Variants in CNTN5 observed in about 807,000 individuals in gnomAD.
CNTN5 encodes the protein contactin-5.
In CNTN5, 77 loss-of-function variants were observed where a neutral mutation model predicts 129.1. That is an observed-to-expected ratio of 0.60 (90% CI 0.50 to 0.72). CNTN5 has a LOEUF of 0.72. Ranked by LOEUF, CNTN5 falls within the 30% of genes least tolerant of loss-of-function variation. CNTN5 has a pLI of 0.00. For synonymous variants in CNTN5, 509 were observed against 465.6 expected, an observed-to-expected ratio of 1.09 and a Z score of -1.20; for missense variants, 1,478 against 1,328.8, an observed-to-expected ratio of 1.11 and a Z score of -1.75.
intron 2 of CNTN5, among the ~76,000 whole-genome samples, chr11:99,482,491 A>G (rs1206658111): frequency 6.6e-6 from 1 of 152,214 alleles, no homozygotes; most frequent in Non-Finnish European, 1.5e-5. Context: ...TTACTTTTGT[A>G]TGTAACTTGT....
intron 3 of CNTN5, among the ~76,000 whole-genome samples, chr11:99,567,547 A>G (rs897378578): frequency 3.9e-5 from 6 of 151,980 alleles, no homozygotes; most frequent in African/African-American, 1.2e-4. Context: ...ATTGCACAGA[A>G]CTTTGTCACT....
At chr11:99,478,580 G>A (rs74990543) in intron 2 of CNTN5, among the ~76,000 whole-genome samples, 3,146 of 152,058 alleles carry the variant, frequency 0.021, 126 homozygotes, top group African/African-American at 0.07. Flanking sequence ...TCTTGGCATT[G>A]GCTACTACAA....
At position 99,152,393 on chromosome 11, in the gene CNTN5, A is replaced by T. The variant is rs185934037; in HGVS notation, c.-210+131123A>T. On this transcript the variant is annotated intron_variant, in intron 1 of 24. Coordinates refer to ENST00000524871, the MANE Select transcript of CNTN5 (RefSeq NM_014361.4). ...ATTTATAATATTCCATTACCATTAT[A>T]TAACACCCTTCTTTGTCTTTTTTGA... Among the ~76,000 whole-genome samples, 205 of 152,340 alleles carry T rather than the reference A, an allele frequency of 1.3e-3. 1 individual carries two copies. Among genetic ancestry groups the T allele is most frequent in the Non-Finnish European group, 5.4e-4 (37 of 68,028 alleles).
At position 99,489,472 on chromosome 11, in the gene CNTN5, A is replaced by T. The variant is rs186917454; in HGVS notation, c.-70-66673A>T. Reference sequence around the variant, plus strand: ...TCTTAACAGTATCTGATTTTGTCATATATATATTTTAACTTCTCATTCTCT... The same window carrying T: ...TCTTAACAGTATCTGATTTTGTCATTTATATATTTTAACTTCTCATTCTCT... On this transcript the variant is annotated intron_variant, in intron 2 of 24. Coordinates refer to ENST00000524871, the MANE Select transcript of CNTN5 (RefSeq NM_014361.4). Among the ~76,000 whole-genome samples, 4 of 152,258 alleles carry T rather than the reference A, an allele frequency of 2.6e-5. No individual in the cohort carries two copies. In the East Asian group the frequency reaches 7.7e-4, roughly 29 times the overall value.
chr11:99,447,486 A>G (rs1347743806), intron 2 of CNTN5, among the ~76,000 whole-genome samples: 10 of 152,246 alleles, frequency 6.6e-5, no homozygotes, highest in Admixed American at 6.5e-4. Context: ...TTCAACTTCT[A>G]GATTTACTAC....
chr11:99,978,252 A>G (rs1938117833), intron 8 of CNTN5, among the ~76,000 whole-genome samples: 1 of 152,256 alleles, frequency 6.6e-6, no homozygotes, highest in African/African-American at 2.4e-5. Flanking sequence ...AAGCTGTGTC[A>G]TAATGAAAGA....
intron 22 of CNTN5, 93 bp downstream of exon 22, chr11:100,340,742 C>A: frequency 8.9e-7 from 1 of 1,123,518 alleles, no homozygotes; most frequent in Non-Finnish European, 1.2e-6. Context: ...TAAGCAGAGT[C>A]AAAGGGGAGT....
chr11:99,887,543 C>A (rs1421965915), intron 6 of CNTN5, among the ~76,000 whole-genome samples: 1 of 151,984 alleles, frequency 6.6e-6, no homozygotes, highest in Non-Finnish European at 1.5e-5. Flanking sequence ...TATTGACTCA[C>A]ACAATCACAA....
chr11:99,153,561 T>G (rs1166196793), intron 1 of CNTN5, among the ~76,000 whole-genome samples: 1 of 151,984 alleles, frequency 6.6e-6, no homozygotes, highest in Non-Finnish European at 1.5e-5. Flanking sequence ...TTCCATAGAT[T>G]CCTTGGATTC....
At chr11:99,391,920 G>A (rs1046417770) in intron 2 of CNTN5, among the ~76,000 whole-genome samples, 1 of 151,778 alleles carries the variant, frequency 6.6e-6, no homozygotes, top group Non-Finnish European at 1.5e-5. Flanking sequence ...GTCCCTCAAA[G>A]AAAATCTCAA....
chr11:100,224,753 G>A lies in CNTN5; in HGVS notation c.1946G>A (p.Gly649Asp). 6.2e-7 allele frequency: 1 copy of A among 1,612,954 alleles called. No individual in the cohort carries two copies. The highest frequency in any genetic ancestry group is 8.5e-7 in the Non-Finnish European group (1 of 1,179,082). Residue 649 changes from glycine (G) to aspartate (D), a missense_variant, in exon 16 of 25, where the codon GGC becomes GAC. By Grantham distance (94) the Gly-to-Asp change is moderately conservative (BLOSUM62 -1). Coordinates refer to ENST00000524871, the MANE Select transcript of CNTN5 (RefSeq NM_014361.4). Reference sequence around the variant, plus strand: ...CTTCTGATGCATGCTGGGAGATATGGCTGCAGGGTACAGACCACAGCAGAC... The same window carrying A: ...CTTCTGATGCATGCTGGGAGATATGACTGCAGGGTACAGACCACAGCAGAC... ...NILLMHAGRY[G>D]CRVQTTADSV...
At chr11:99,860,427 T>C (rs1948169109) in intron 6 of CNTN5, among the ~76,000 whole-genome samples, 1 of 152,196 alleles carries the variant, frequency 6.6e-6, no homozygotes, top group Non-Finnish European at 1.5e-5. Context: ...TTTAGGATTC[T>C]TATAGCTATA....
chr11:99,859,378 G>T (rs1948138455), intron 6 of CNTN5, among the ~76,000 whole-genome samples: 2 of 151,988 alleles, frequency 1.3e-5, no homozygotes, highest in Non-Finnish European at 2.9e-5. Flanking sequence ...TCTTATTTTA[G>T]ATTCAGTGGT....
At chr11:100,309,660 T>C in intron 21 of CNTN5, 1 of 984,658 alleles carries the variant, frequency 1.0e-6, no homozygotes, top group Non-Finnish European at 1.2e-6. Context: ...AATATATATA[T>C]TTGGCCCATA....
intron 4 of CNTN5, among the ~76,000 whole-genome samples, chr11:99,827,542 C>G (rs1182167915): frequency 6.6e-6 from 1 of 152,136 alleles, no homozygotes; most frequent in Non-Finnish European, 1.5e-5. Flanking sequence ...CAAGACTAGA[C>G]TAAATTGTTA....
intron 13 of CNTN5, among the ~76,000 whole-genome samples, chr11:100,165,123 GC>G (rs1386176608): frequency 6.6e-6 from 1 of 151,484 alleles, no homozygotes; most frequent in Non-Finnish European, 1.5e-5. Flanking sequence ...ATGGGTGGCA[GC>G]AAAAATAAAA....
intron 13 of CNTN5, among the ~76,000 whole-genome samples, chr11:100,182,900 A>G (rs1022902050): frequency 1.3e-5 from 2 of 149,680 alleles, no homozygotes; most frequent in Admixed American, 6.6e-5. Flanking sequence ...TTATTTATAC[A>G]CTGTAAAAAA....
chr11:99,126,394 G>T (rs1184054611), intron 1 of CNTN5, among the ~76,000 whole-genome samples: 1 of 152,182 alleles, frequency 6.6e-6, no homozygotes, highest in Non-Finnish European at 1.5e-5. Context: ...CATACTTTCA[G>T]TATTTTATTA....
chr11:99,593,850 G>T (rs961708685), intron 3 of CNTN5, among the ~76,000 whole-genome samples: 9 of 152,280 alleles, frequency 5.9e-5, no homozygotes, highest in African/African-American at 2.2e-4. Context: ...GTGTTTTCCA[G>T]AATCTCTTTC....
Sources: gnomAD v4.1 joint callset for allele counts (sites outside exome capture counted in the v4.1 genomes callset) on GRCh38, gnomAD v4.1.1 for gene constraint, MANE v1.5 for transcripts, NCBI Gene and HGNC (gene_info 2026-07-23, HGNC 2026-07-21) for gene names.